The following ANK3 variants were observed in gnomAD, a reference collection of about 807,000 sequenced individuals.
ANK3 encodes ankyrin-3.
In ANK3, 57 loss-of-function variants were observed where a neutral mutation model predicts 370.9. The observed-to-expected ratio is 0.15, with a 90% confidence interval of 0.12 to 0.19. ANK3 has a LOEUF of 0.19. ANK3 is among the 10% of genes least tolerant of loss of function. The probability of loss-of-function intolerance (pLI) is 1.00; values close to 1 mark genes in which losing one functional copy is unlikely to be tolerated. For missense variants in ANK3, 4,439 were observed against 5,302.1 expected (o/e 0.84, Z 5.06); for synonymous variants, 1,929 against 1,946.3 (o/e 0.99, Z 0.23).
chr10:60,600,112 A>T (rs1218883223), intron 2 of ANK3, among the ~76,000 whole-genome samples: 1 of 152,196 alleles, frequency 6.6e-6, no homozygotes, highest in Non-Finnish European at 1.5e-5. Flanking sequence ...TAGGTAGCAA[A>T]CAATATTTGA....
At chr10:60,166,791 T>A in intron 22 of ANK3, 33 bp downstream of exon 22, 1 of 1,604,038 alleles carries the variant, frequency 6.2e-7, no homozygotes, top group East Asian at 2.2e-5. Context: ...CAGTCACTTA[T>A]AATTATTGTG....
At chr10:60,187,137 T>TA (rs2096361079) in intron 16 of ANK3, among the ~76,000 whole-genome samples, 1 of 106,418 alleles carries the variant, frequency 9.4e-6, no homozygotes, top group Non-Finnish European at 1.7e-5. Context: ...ACATTTTATT[T>TA]ATTTTATTTT....
At chr10:60,442,857 A>G (rs1163321879) in intron 2 of ANK3, among the ~76,000 whole-genome samples, 2 of 152,242 alleles carry the variant, frequency 1.3e-5, no homozygotes, top group African/African-American at 2.4e-5. Context: ...TTAAAGCACA[A>G]GCAGGTGAAA....
intron 7 of ANK3, among the ~76,000 whole-genome samples, chr10:60,247,661 A>T (rs922556869): frequency 2.0e-5 from 3 of 151,732 alleles, no homozygotes; most frequent in Admixed American, 6.6e-5. Flanking sequence ...GCATTTTATT[A>T]TTTTTTTCTT....
intron 2 of ANK3, among the ~76,000 whole-genome samples, chr10:60,579,350 A>AG (rs2077721606): frequency 7.5e-5 from 11 of 147,580 alleles, no homozygotes; most frequent in Non-Finnish European, 1.2e-4. Flanking sequence ...AAAAAAAAAA[A>AG]GATATTTCTA....
intron 2 of ANK3, among the ~76,000 whole-genome samples, chr10:60,502,132 C>T (rs1296282622): frequency 1.3e-5 from 2 of 152,144 alleles, no homozygotes; most frequent in African/African-American, 2.4e-5. Flanking sequence ...AAAGTTTTAG[C>T]TCAGGTGACA....
In ANK3 at chr10:60,415,921, C is replaced by CG. The variant is rs1452748317; in HGVS notation, c.97-136283_97-136282insC. Among the ~76,000 whole-genome samples, 4 of 111,964 alleles carry CG rather than the reference C, an allele frequency of 3.6e-5. 1 individual carries two copies. Among genetic ancestry groups the CG allele is most frequent in the South Asian group, 3.7e-4 (1 of 2,732 alleles). 73.5% of individuals were successfully genotyped at this position (111,964 alleles called of 152,430 possible). ...ATTGTATGGTCTGAATTTGTGCCCC[C>CG]CACCCCCCCGCCATTCATGTGTTGA... On this transcript the variant is annotated intron_variant, in intron 2 of 43. Transcript: ENST00000373827.
chr10:60,172,923 C>T lies in ANK3; in HGVS notation c.2359G>A (p.Ala787Thr), dbSNP rs1429180131. ...HIINVLLQNN[A>T]SPNELTVNGN... The stretch of plus-strand genomic sequence containing the variant: ...ACCACAGTGAGTTCATTGGGGGAGG[C>T]GTTGTTCTGAAGTAAGACATTTATT... The change falls in exon 20 of 44, where the codon GCC becomes ACC. Residue 787 changes from alanine to threonine, a missense_variant. Physicochemically the swap from Ala to Thr is moderately conservative, Grantham distance 58 (BLOSUM62 0). This residue lies in a region of ANK3 where 702 missense variants were observed against 941.5 expected (regional missense o/e 0.75). Coordinates refer to ENST00000280772, the MANE Select transcript of ANK3 (RefSeq NM_020987.5). The T allele has an allele frequency of 1.2e-5, 20 of 1,613,646 alleles. No individual in the cohort carries two copies. Among genetic ancestry groups the T allele is most frequent in the South Asian group, 9.9e-5 (9 of 91,062 alleles).
At chr10:60,052,132 G>T (rs557155763) in intron 42 of ANK3, among the ~76,000 whole-genome samples, 1 of 152,106 alleles carries the variant, frequency 6.6e-6, no homozygotes, top group Non-Finnish European at 1.5e-5. Flanking sequence ...AGGCCAAGGC[G>T]GGTGGATCAC....
At chr10:60,036,150 A>G (rs10761445) in intron 43 of ANK3, among the ~76,000 whole-genome samples, 27,613 of 151,994 alleles carry the variant, frequency 0.18, 2,769 homozygotes, top group Admixed American at 0.25. Context: ...GCTACTGTGA[A>G]AAACAAGTGA....
intron 25 of ANK3, among the ~76,000 whole-genome samples, chr10:60,131,314 G>A (rs1384360150): frequency 2.0e-5 from 3 of 152,188 alleles, no homozygotes; most frequent in Non-Finnish European, 2.9e-5. Context: ...GCATGGATCT[G>A]AGTAGTGTTA....
chr10:60,366,812 A>G (rs929792380), intron 1 of ANK3, among the ~76,000 whole-genome samples: 2 of 152,170 alleles, frequency 1.3e-5, no homozygotes, highest in African/African-American at 2.4e-5. Flanking sequence ...CTTTGTAAAT[A>G]ATAAATCAAT....
At chr10:60,129,225 T>C (rs2093936345) in intron 25 of ANK3, among the ~76,000 whole-genome samples, 1 of 152,194 alleles carries the variant, frequency 6.6e-6, no homozygotes, top group African/African-American at 2.4e-5. Flanking sequence ...AGGTACACCT[T>C]AGAATTGTCA....
chr10:60,626,348 ATAG>A lies in ANK3; in HGVS notation c.58-11127_58-11125del, dbSNP rs1271168654. The stretch of plus-strand genomic sequence containing the variant: ...TTTATTAATGCATTATATTGTACAA[ATAG>A]TAGGTCTAATAACAACTATAATTTT... On this transcript the variant is annotated intron_variant, in intron 1 of 43. Transcript: ENST00000373827. 2.0e-4 allele frequency among the ~76,000 whole-genome samples: 30 copies of A among 152,328 alleles called. No individual in the cohort carries two copies. In the East Asian group the frequency reaches 2.9e-3, roughly 15 times the overall value.
intron 1 of ANK3, among the ~76,000 whole-genome samples, chr10:60,292,469 T>C (rs1291876726): frequency 6.6e-6 from 1 of 152,090 alleles, no homozygotes; most frequent in Non-Finnish European, 1.5e-5. Flanking sequence ...GGAATGTTAA[T>C]ATAAGGAAGA....
At chr10:60,159,173 C>T (rs1467013552) in intron 23 of ANK3, among the ~76,000 whole-genome samples, 8 of 151,958 alleles carry the variant, frequency 5.3e-5, no homozygotes, top group Admixed American at 1.3e-4. Flanking sequence ...CAAGACTGAA[C>T]GATATGCTGT....
At position 60,515,999 on chromosome 10, in the gene ANK3, T is replaced by A. The variant is rs373071881; in HGVS notation, c.96+99187A>T. On this transcript the variant is annotated intron_variant, in intron 2 of 43. Coordinates refer to the ANK3 transcript ENST00000373827. The stretch of plus-strand genomic sequence containing the variant: ...GACCTCAAGCAAATAAATCAGTGTG[T>A]CACTACCAGTTGTGGTCAATGCTTT... 3.5e-4 allele frequency among the ~76,000 whole-genome samples: 53 copies of A among 152,198 alleles called. No homozygotes were observed. The South Asian group carries it at 0.011, about 31-fold the overall frequency.
intron 23 of ANK3, among the ~76,000 whole-genome samples, chr10:60,143,486 G>C (rs2094662931): frequency 3.3e-5 from 5 of 152,274 alleles, no homozygotes; most frequent in African/African-American, 1.2e-4. Flanking sequence ...TTTTATATCA[G>C]ATATATTTAG....
chr10:60,054,491 A>C (rs2078734360), intron 42 of ANK3, among the ~76,000 whole-genome samples: 1 of 152,284 alleles, frequency 6.6e-6, no homozygotes, highest in Admixed American at 6.5e-5. Context: ...CCACCACCAA[A>C]TCTTATATCA....
Sources: gnomAD v4.1 joint callset for allele counts (sites outside exome capture counted in the v4.1 genomes callset) on GRCh38, gnomAD v4.1.1 for gene constraint, gnomAD v4.1.1 regional missense constraint, MANE v1.5 for transcripts, NCBI Gene and HGNC (gene_info 2026-07-23, HGNC 2026-07-21) for gene names.